The following COL8A1 variants were observed in gnomAD, a reference collection of about 807,000 sequenced individuals.
COL8A1 encodes collagen type VIII alpha 1 chain, also known as collagen alpha-1(VIII) chain.
Under a neutral mutation model 42.7 loss-of-function variants are expected in COL8A1, and 21 were observed. The ratio of observed to expected loss-of-function variants is 0.49; its 90% CI spans 0.35 to 0.71. The LOEUF (loss-of-function observed/expected upper bound fraction) is 0.71, where lower values mean the gene tolerates loss of function less well. Among genes scored for constraint, COL8A1 ranks in the 30% least tolerant of loss-of-function variants. The pLI is 0.01. For synonymous variants in COL8A1, 367 were observed against 369.1 expected, an observed-to-expected ratio of 0.99 and a Z score of 0.06; for missense variants, 788 against 962.4, an observed-to-expected ratio of 0.82 and a Z score of 2.40.
At chr3:99,697,009 C>G (rs1201908396) in intron 1 of COL8A1, among the ~76,000 whole-genome samples, 4 of 90,862 alleles carry the variant, frequency 4.4e-5, no homozygotes, top group African/African-American at 1.7e-4. Context: ...TTTTTTGAGA[C>G]GGAGTCTCGC....
At chr3:99,736,046 T>G (rs1382603616) in intron 1 of COL8A1, among the ~76,000 whole-genome samples, 1 of 151,948 alleles carries the variant, frequency 6.6e-6, no homozygotes, top group Non-Finnish European at 1.5e-5. Flanking sequence ...CTCTCTTTTT[T>G]TCTTTATTAG....
chr3:99,734,487 C>T (rs1430277063), intron 1 of COL8A1, among the ~76,000 whole-genome samples: 2 of 151,644 alleles, frequency 1.3e-5, no homozygotes, highest in Non-Finnish European at 2.9e-5. Flanking sequence ...TCTGAGGGCT[C>T]TGTTCTCTTC....
In COL8A1 at chr3:99,794,009, C is replaced by T. The variant is rs1370217150; in HGVS notation, c.329-221C>T. ...TCAGGTGATGCATCTGCCTGGGCCT[C>T]CCAAAGTTGTAGGATTACAGGCACG... On this transcript the variant is annotated intron_variant, in intron 3 of 3. Transcript: ENST00000652472. This position sits in a 1 kb window ranked among gnomAD's most constrained non-coding sequence, Gnocchi z 4.3. 6.6e-6 allele frequency among the ~76,000 whole-genome samples: 1 copy of T among 152,190 alleles called. No homozygotes were observed. The highest frequency in any genetic ancestry group is 1.5e-5 in the Non-Finnish European group (1 of 68,038).
At chr3:99,737,154 A>G (rs1355112527) in intron 1 of COL8A1, among the ~76,000 whole-genome samples, 1 of 152,208 alleles carries the variant, frequency 6.6e-6, no homozygotes, top group Non-Finnish European at 1.5e-5. Context: ...TTTCCTGAAC[A>G]CAGCACACTG....
chr3:99,645,485 G>T (rs1053146697), intron 1 of COL8A1, among the ~76,000 whole-genome samples: 4 of 152,138 alleles, frequency 2.6e-5, no homozygotes, highest in African/African-American at 9.7e-5. Flanking sequence ...CCAGCCCCCA[G>T]TTAATTACAA....
intron 2 of COL8A1, among the ~76,000 whole-genome samples, chr3:99,745,545 C>A (rs1158104183): frequency 2.6e-5 from 4 of 152,010 alleles, no homozygotes; most frequent in Non-Finnish European, 4.4e-5. Flanking sequence ...TTAATTGGGG[C>A]AACTTTTTTT....
chr3:99,707,408 C>T (rs1939710485), intron 1 of COL8A1, among the ~76,000 whole-genome samples: 1 of 152,160 alleles, frequency 6.6e-6, no homozygotes, highest in African/African-American at 2.4e-5. Flanking sequence ...GAGCTGTCTG[C>T]TTCATGTTAG....
chr3:99,718,879 T>C (rs924491674), intron 1 of COL8A1, among the ~76,000 whole-genome samples: 1 of 152,090 alleles, frequency 6.6e-6, no homozygotes. Context: ...CTTCATCTTA[T>C]TTAGCATGAA....
chr3:99,764,037 C>T (rs2107429143), intron 2 of COL8A1, among the ~76,000 whole-genome samples: 1 of 152,260 alleles, frequency 6.6e-6, no homozygotes, highest in Non-Finnish European at 1.5e-5. Context: ...GTTGGCTGAC[C>T]CAGGATTTCT....
intron 2 of COL8A1, among the ~76,000 whole-genome samples, chr3:99,780,678 A>G (rs1941777501): frequency 6.6e-6 from 1 of 152,230 alleles, no homozygotes; most frequent in Non-Finnish European, 1.5e-5. Context: ...GCTCATAAAA[A>G]GAAAAGTCCT....
At position 99,796,255 on chromosome 3, in the gene COL8A1, T is replaced by C. The variant is rs992495898; in HGVS notation, c.*119T>C. ...ACACTTACACAGTTGGAAAGTTATA[T>C]GTAAGTGAAAATTTGGACCATTGTG... On this transcript the variant is annotated 3_prime_UTR_variant, in exon 4 of 4. Transcript: ENST00000652472. 1.2e-6 allele frequency: 1 copy of C among 843,650 alleles called. No individual in the cohort carries two copies. Among genetic ancestry groups the C allele is most frequent in the East Asian group, 2.7e-5 (1 of 36,710 alleles). The allele number at this position is 843,650 out of a possible 1,614,324, so 52.3% of individuals were successfully genotyped here.
chr3:99,794,581 C>T lies in COL8A1; in HGVS notation c.680C>T (p.Pro227Leu). 5 of 1,613,640 alleles carry T rather than the reference C, an allele frequency of 3.1e-6. No homozygotes were observed. Among genetic ancestry groups the T allele is most frequent in the Non-Finnish European group, 4.2e-6 (5 of 1,179,790 alleles). The change falls in exon 4 of 4, where the codon CCC (proline) becomes CTC (leucine). Residue 227 changes from proline to leucine, a missense_variant. Pro to Leu is a moderately conservative substitution (Grantham distance 98). Transcript: ENST00000652472. This position sits in a 1 kb window ranked among gnomAD's most constrained non-coding sequence, Gnocchi z 4.3. The stretch of plus-strand genomic sequence containing the variant: ...CCAGGACCAAAGGGTGATCGAGGAC[C>T]CAAAGGACTACCAGGACCTCAAGGC... ...GQPGPKGDRG[P>L]KGLPGPQGLR...
intron 1 of COL8A1, among the ~76,000 whole-genome samples, chr3:99,675,415 A>G (rs1938663603): frequency 6.6e-6 from 1 of 152,048 alleles, no homozygotes; most frequent in African/African-American, 2.4e-5. Context: ...ATTTGTTATG[A>G]GCGCCAGTGA....
chr3:99,699,150 A>C (rs1939460731), intron 1 of COL8A1, among the ~76,000 whole-genome samples: 1 of 152,152 alleles, frequency 6.6e-6, no homozygotes, highest in Non-Finnish European at 1.5e-5. Flanking sequence ...TCTCTCCATC[A>C]CATGTATCCA....
At chr3:99,739,982 C>A (rs1471946904) in intron 1 of COL8A1, among the ~76,000 whole-genome samples, 1 of 152,166 alleles carries the variant, frequency 6.6e-6, no homozygotes, top group African/African-American at 2.4e-5. Flanking sequence ...TTTCTTCCAC[C>A]AGATACCCTA....
intron 2 of COL8A1, among the ~76,000 whole-genome samples, chr3:99,750,049 C>CTTTTTTTTTTTTTTTTTTTTTTTTT (rs1176042144): frequency 1.7e-4 from 11 of 65,970 alleles, no homozygotes; most frequent in Admixed American, 2.5e-4. Flanking sequence ...TTTTTTTCTT[C>CTTTTTTTTTTTTTTTTTTTTTTTTT]TTTTTTTTTT....
chr3:99,742,493 G>C lies in COL8A1; in HGVS notation c.-128-2404G>C, dbSNP rs564168452. On this transcript the variant is annotated intron_variant, in intron 1 of 3. Transcript: ENST00000652472. ...AGTAATTGTAGCACTCTTTCTCACA[G>C]TATTATGAATAACAAAGTAAAAAAG... Among the ~76,000 whole-genome samples the C allele has an allele frequency of 3.3e-5, 5 of 152,218 alleles. No individual in the cohort carries two copies. The South Asian group carries it at 8.3e-4, about 25-fold the overall frequency.
intron 1 of COL8A1, among the ~76,000 whole-genome samples, chr3:99,726,267 T>A (rs1375913910): frequency 6.6e-6 from 1 of 152,056 alleles, no homozygotes; most frequent in Non-Finnish European, 1.5e-5. Flanking sequence ...GGGTTGTTCT[T>A]TTCTTGTAAA....
intron 1 of COL8A1, among the ~76,000 whole-genome samples, chr3:99,653,229 G>A (rs574872578): frequency 4.8e-4 from 73 of 152,256 alleles, no homozygotes; most frequent in African/African-American, 1.6e-3. Context: ...TTCAAGTGTC[G>A]CTGTCTACGT....
Sources: gnomAD v4.1 joint callset for allele counts (sites outside exome capture counted in the v4.1 genomes callset) on GRCh38, gnomAD v4.1.1 for gene constraint, Gnocchi (gnomAD v3.1) non-coding constraint, MANE v1.5 for transcripts, NCBI Gene and HGNC (gene_info 2026-07-23, HGNC 2026-07-21) for gene names.